The following P3H2 variants were observed in gnomAD, a reference collection of about 807,000 sequenced individuals.
P3H2 encodes prolyl 3-hydroxylase 2.
A neutral mutation model predicts 87.0 loss-of-function variants in P3H2; 80 were observed. The observed-to-expected ratio is 0.92, with a 90% CI of 0.77 to 1.11. The LOEUF is 1.11. Ranked by LOEUF, P3H2 falls within the 50% of genes least tolerant of loss-of-function variation. The pLI, the probability that P3H2 is intolerant of heterozygous loss-of-function variation, is 0.00. For synonymous variants in P3H2, 367 were observed against 359.3 expected (o/e 1.02, Z -0.24); for missense variants, 1,001 against 923.9 (o/e 1.08, Z -1.08).
chr3:189,958,065 A>G (rs1303914333), intron 14 of P3H2, 61 bp from the exon 15 acceptor site: 1 of 1,254,250 alleles, frequency 8.0e-7, no homozygotes, highest in South Asian at 1.2e-5. Flanking sequence ...TCATCAGCAG[A>G]CGCTTCCCAA....
chr3:190,112,440 T>C (rs1311273957), intron 1 of P3H2, among the ~76,000 whole-genome samples: 1 of 152,186 alleles, frequency 6.6e-6, no homozygotes, highest in South Asian at 2.1e-4. Flanking sequence ...AAAAAGTAGA[T>C]ATCTATGACG....
chr3:190,050,215 A>G (rs1395522361), intron 1 of P3H2, among the ~76,000 whole-genome samples: 1 of 152,204 alleles, frequency 6.6e-6, no homozygotes, highest in Non-Finnish European at 1.5e-5. Flanking sequence ...ACGCTGAACC[A>G]TAATCTATCT....
At chr3:189,993,790 G>A (rs947491995) in intron 3 of P3H2, among the ~76,000 whole-genome samples, 1 of 151,916 alleles carries the variant, frequency 6.6e-6, no homozygotes, top group African/African-American at 2.4e-5. Context: ...ATATTGTTAA[G>A]CATAAAATAA....
intron 1 of P3H2, among the ~76,000 whole-genome samples, chr3:190,093,646 G>T (rs1253592356): frequency 6.6e-6 from 1 of 152,082 alleles, no homozygotes; most frequent in East Asian, 1.9e-4. Context: ...GGAGAAGAGA[G>T]AGAGTAGATG....
At position 189,963,911 on chromosome 3, in the gene P3H2, T is replaced by A. The variant is rs771567793; in HGVS notation, c.2034+47A>T. On this transcript the variant is annotated intron_variant, in intron 14 of 14. Transcript: ENST00000319332. The stretch of plus-strand genomic sequence containing the variant: ...TTAAAGGACTTCTCAGATAAAGCAG[T>A]TCATGAAGCAAGCCTAATTGGCTTT... 4 of 1,609,222 alleles carry A rather than the reference T, an allele frequency of 2.5e-6. No individual in the cohort carries two copies. The South Asian group carries it at 4.4e-5, about 18-fold the overall frequency.
chr3:190,071,831 T>C (rs1726706453), intron 1 of P3H2, among the ~76,000 whole-genome samples: 1 of 152,110 alleles, frequency 6.6e-6, no homozygotes, highest in Non-Finnish European at 1.5e-5. Flanking sequence ...CTGGGAACAG[T>C]ACCTGCATAC....
intron 3 of P3H2, among the ~76,000 whole-genome samples, chr3:189,992,692 T>C (rs1005947065): frequency 3.9e-5 from 6 of 152,206 alleles, no homozygotes; most frequent in African/African-American, 1.4e-4. Context: ...ATTCCTCATT[T>C]ACAAAAGGGA....
At chr3:190,052,324 G>A (rs1209308831) in intron 1 of P3H2, among the ~76,000 whole-genome samples, 3 of 152,204 alleles carry the variant, frequency 2.0e-5, no homozygotes, top group Middle Eastern at 3.4e-3. Context: ...TCCCACTTAT[G>A]AGTGAGAACA....
intron 1 of P3H2, among the ~76,000 whole-genome samples, chr3:190,117,410 G>C (rs1489307739): frequency 6.6e-6 from 1 of 152,120 alleles, no homozygotes; most frequent in Non-Finnish European, 1.5e-5. Flanking sequence ...GAGAATAATT[G>C]TACTTTCTTA....
chr3:189,998,856 C>T lies in P3H2; in HGVS notation c.481-3414G>A, dbSNP rs188605589. Among the ~76,000 whole-genome samples, 34 of 152,178 alleles carry T rather than the reference C, an allele frequency of 2.2e-4. No individual in the cohort carries two copies. In the East Asian group the frequency reaches 6.0e-3, roughly 27 times the overall value. On this transcript the variant is annotated intron_variant, in intron 1 of 14. Transcript: ENST00000319332. ...GGGATAGTTTCAGAATTAAACTGTT[C>T]CACCTAAGATCATCACGCAAGATTC...
intron 1 of P3H2, among the ~76,000 whole-genome samples, chr3:190,045,062 G>A (rs746498910): frequency 6.6e-6 from 1 of 152,114 alleles, no homozygotes; most frequent in Non-Finnish European, 1.5e-5. Context: ...AAAATGCCCA[G>A]GAGAGAAAAT....
At chr3:190,120,997 C>G, upstream of P3H2, 1 of 498,496 alleles carries the variant, frequency 2.0e-6, no homozygotes. Flanking sequence ...AGGCTCCCCG[C>G]TGCAGCGGCG....
intron 1 of P3H2, among the ~76,000 whole-genome samples, chr3:190,095,150 T>C (rs1727529240): frequency 6.6e-6 from 1 of 151,634 alleles, no homozygotes; most frequent in African/African-American, 2.4e-5. Flanking sequence ...AAGTTGCTCA[T>C]TGTACAGACA....
chr3:190,095,137 T>C (rs977936077), intron 1 of P3H2, among the ~76,000 whole-genome samples: 1 of 151,678 alleles, frequency 6.6e-6, no homozygotes, highest in Non-Finnish European at 1.5e-5. Flanking sequence ...ATAACACTTT[T>C]AGAAGTTGCT....
At chr3:189,986,234 T>C (rs1723691133) in intron 6 of P3H2, among the ~76,000 whole-genome samples, 1 of 152,242 alleles carries the variant, frequency 6.6e-6, no homozygotes, top group Non-Finnish European at 1.5e-5. Flanking sequence ...GATTTGCTTT[T>C]GACTTTAGAC....
intron 1 of P3H2, 74 bp from the exon 2 acceptor site, chr3:189,995,516 T>A: frequency 7.1e-7 from 1 of 1,400,146 alleles, no homozygotes. Context: ...CAAAGATCAA[T>A]CCAAAATCTC....
At chr3:189,965,133 A>G (rs1335891724) in intron 13 of P3H2, among the ~76,000 whole-genome samples, 3 of 152,242 alleles carry the variant, frequency 2.0e-5, no homozygotes, top group South Asian at 2.1e-4. Context: ...CATTTTCTGA[A>G]TTGACTTGAG....
At chr3:190,006,652 G>A (rs1207790427) in intron 1 of P3H2, among the ~76,000 whole-genome samples, 1 of 152,182 alleles carries the variant, frequency 6.6e-6, no homozygotes, top group African/African-American at 2.4e-5. Flanking sequence ...ATATAATGCT[G>A]TAAAAATTAG....
At chr3:189,973,879 A>T in intron 10 of P3H2, 30 bp downstream of exon 10, 1 of 1,537,080 alleles carries the variant, frequency 6.5e-7, no homozygotes, top group South Asian at 1.1e-5. Context: ...ACACTAAGGA[A>T]CTCAAACCCA....
Sources: allele counts gnomAD v4.1 joint callset (sites outside exome capture counted in the v4.1 genomes callset), GRCh38; gene constraint gnomAD v4.1.1; transcripts MANE v1.5; gene names NCBI Gene and HGNC (gene_info 2026-07-23, HGNC 2026-07-21).